The following COL9A1 variants were observed in gnomAD, a reference collection of about 807,000 sequenced individuals.
COL9A1 encodes collagen type IX alpha 1 chain.
In COL9A1, 104 loss-of-function variants were observed where a neutral mutation model predicts 142.6. The ratio of observed to expected loss-of-function variants is 0.73; its 90% CI spans 0.62 to 0.86. The LOEUF is 0.86. COL9A1 is among the 40% of genes least tolerant of loss of function. COL9A1 has a pLI of 0.00. For missense variants in COL9A1, 1,210 were observed against 1,176.6 expected (o/e 1.03, Z -0.42); for synonymous variants, 466 against 396.0 (o/e 1.18, Z -2.10).
At chr6:70,227,616 G>A (rs1236965482) in intron 36 of COL9A1, among the ~76,000 whole-genome samples, 1 of 151,980 alleles carries the variant, frequency 6.6e-6, no homozygotes, top group East Asian at 1.9e-4. Flanking sequence ...TTACCCAGCA[G>A]TTCTACTTCT....
In COL9A1 at chr6:70,280,809, C is replaced by A; in HGVS notation, c.975+3G>T. On this transcript the variant is annotated splice_donor_region_variant and intron_variant, in intron 10 of 37. Coordinates refer to ENST00000357250, the MANE Select transcript of COL9A1 (RefSeq NM_001851.6). ...GGCGCCCTCCCAGCACTCGCCTACT[C>A]ACATCAGCGCCAGGTGTGCCAGGCT... 6.2e-7 allele frequency: 1 copy of A among 1,612,084 alleles called. No homozygotes were observed. The highest frequency in any genetic ancestry group is 1.1e-5 in the South Asian group (1 of 90,674).
At chr6:70,294,647 T>G (rs1397133297) in intron 4 of COL9A1, 84 bp from the exon 5 acceptor site, 3 of 1,297,576 alleles carry the variant, frequency 2.3e-6, no homozygotes, top group East Asian at 2.3e-5. Context: ...GAGGCCATTT[T>G]AGATGCCAGA....
intron 18 of COL9A1, among the ~76,000 whole-genome samples, chr6:70,264,488 G>A (rs182967927): frequency 1.3e-5 from 2 of 152,134 alleles, no homozygotes; most frequent in East Asian, 1.9e-4. Flanking sequence ...GAAAGCCAGA[G>A]AATTAGCTAG....
At chr6:70,282,796 T>C (rs569187997) in intron 7 of COL9A1, 102 bp downstream of exon 7, 161 of 1,566,492 alleles carry the variant, frequency 1.0e-4, no homozygotes, top group Middle Eastern at 8.5e-4. Flanking sequence ...CTGAGAGCCC[T>C]GGGGATGCTC....
chr6:70,280,775 C>A, intron 10 of COL9A1, 37 bp downstream of exon 10: 1 of 1,598,388 alleles, frequency 6.3e-7, no homozygotes, highest in African/African-American at 1.3e-5. Context: ...CACCACACAC[C>A]CCAGGCTGGG....
chr6:70,274,314 T>G (rs1025861784), intron 11 of COL9A1, among the ~76,000 whole-genome samples: 1 of 152,126 alleles, frequency 6.6e-6, no homozygotes, highest in Non-Finnish European at 1.5e-5. Flanking sequence ...CACCCAGCTA[T>G]TAAGCCTGGC....
intron 28 of COL9A1, among the ~76,000 whole-genome samples, chr6:70,248,885 C>G (rs1042648376): frequency 1.4e-4 from 22 of 152,154 alleles, no homozygotes; most frequent in African/African-American, 5.3e-4. Context: ...AAGGAAAGAT[C>G]ACTTCTATCT....
chr6:70,302,357 G>A (rs1354991545), intron 1 of COL9A1, among the ~76,000 whole-genome samples: 2 of 151,794 alleles, frequency 1.3e-5, no homozygotes, highest in African/African-American at 2.4e-5. Context: ...TTACAGGCAC[G>A]TGCCACCACA....
At chr6:70,300,414 C>CCTCTT in intron 2 of COL9A1, 28 bp from the exon 3 acceptor site, 1 of 1,230,082 alleles carries the variant, frequency 8.1e-7, no homozygotes, top group Non-Finnish European at 1.2e-6. Flanking sequence ...TGTCATTCTA[C>CCTCTT]TTCATCCACT....
At chr6:70,261,788 G>T (rs1771707500) in intron 19 of COL9A1, among the ~76,000 whole-genome samples, 1 of 152,150 alleles carries the variant, frequency 6.6e-6, no homozygotes. Context: ...AGAAATATTT[G>T]GGTCAATAGC....
chr6:70,253,016 GA>G (rs3840410), intron 26 of COL9A1, among the ~76,000 whole-genome samples: 27,895 of 149,572 alleles, frequency 0.19, 2,604 homozygotes, highest in South Asian at 0.21. Context: ...ATCAGTATGT[GA>G]AAAAAAAAAT....
chr6:70,219,823 A>T (rs550412692), intron 37 of COL9A1, among the ~76,000 whole-genome samples: 1 of 152,302 alleles, frequency 6.6e-6, no homozygotes, highest in South Asian at 2.1e-4. Flanking sequence ...ACTAATTCAA[A>T]TTTTTTTCAA....
rs1056513145 is a variant in COL9A1 at position 70,266,655 on chromosome 6, A to G, written c.1341+62T>C. 9.5e-6 allele frequency: 12 copies of G among 1,264,010 alleles called. No homozygotes were observed. The African/African-American group carries it at 1.3e-4, about 14-fold the overall frequency. The allele number at this position is 1,264,010 out of a possible 1,614,324, so 78.3% of individuals were successfully genotyped here. A position where few individuals can be genotyped will look rare whatever the true frequency, so the allele number is the denominator to read the frequency against. ...TATTTCCTATAATTCCTAATTTCTT[A>G]TAATGAAAGTGACCAATAACTCCTA... On this transcript the variant is annotated intron_variant, in intron 18 of 37. Coordinates refer to ENST00000357250, the MANE Select transcript of COL9A1 (RefSeq NM_001851.6).
At chr6:70,227,399 C>A (rs528548269) in intron 36 of COL9A1, among the ~76,000 whole-genome samples, 122 of 99,048 alleles carry the variant, frequency 1.2e-3, no homozygotes, top group Non-Finnish European at 1.6e-3. Flanking sequence ...TGACTTCACT[C>A]TCATAACAAA....
chr6:70,300,189 A>C lies in COL9A1; in HGVS notation c.167-14T>G, dbSNP rs1436073724. On this transcript the variant is annotated splice_polypyrimidine_tract_variant and intron_variant, in intron 3 of 37. Transcript: ENST00000357250. ...TCAGATCAAACCCTATAGAATGGGA[A>C]TACAAAATGAAAAGTCTAAAATGAG... The C allele has an allele frequency of 6.2e-7, 1 of 1,613,636 alleles. No individual in the cohort carries two copies. Among genetic ancestry groups the C allele is most frequent in the Admixed American group, 1.7e-5 (1 of 59,984 alleles).
chr6:70,285,992 G>A (rs11757411), intron 5 of COL9A1, among the ~76,000 whole-genome samples: 22,159 of 152,080 alleles, frequency 0.15, 2,213 homozygotes, highest in East Asian at 0.46. Context: ...GGGTTCAGGC[G>A]ATTCTCCTGC....
At chr6:70,258,470 G>A (rs187698236) in intron 20 of COL9A1, 1 of 152,302 alleles carries the variant, frequency 6.6e-6, no homozygotes, top group Admixed American at 6.5e-5. Flanking sequence ...GAACTCAACT[G>A]AAGCAGAGGT....
At position 70,270,360 on chromosome 6, in the gene COL9A1, G is replaced by A. The variant is rs761589177; in HGVS notation, c.1151C>T (p.Pro384Leu). 2 of 1,613,598 alleles carry A rather than the reference G, an allele frequency of 1.2e-6. No homozygotes were observed. The highest frequency in any genetic ancestry group is 1.1e-5 in the South Asian group (1 of 91,038). The change falls in exon 15 of 38, where the codon CCT becomes CTT. Residue 384 changes from proline (P) to leucine (L), a missense_variant. By Grantham distance (98) the Pro-to-Leu change is moderately conservative (BLOSUM62 -3). Transcript: ENST00000357250. ...GGGGCCAGGTGGTCCTCTTCTCCCA[G>A]GGTCACCCTAAGTTATTTGAAAATT... The part of the protein sequence containing the change: ...ELGRVGPVGD[P>L]GRRGPPGPPG...
At chr6:70,265,160 T>G (rs1771931577) in intron 18 of COL9A1, among the ~76,000 whole-genome samples, 1 of 152,120 alleles carries the variant, frequency 6.6e-6, no homozygotes, top group Non-Finnish European at 1.5e-5. Context: ...CCACTGAACA[T>G]CAAACCAAAT....
Sources: gnomAD v4.1 joint callset for allele counts (sites outside exome capture counted in the v4.1 genomes callset) on GRCh38, gnomAD v4.1.1 for gene constraint, MANE v1.5 for transcripts, NCBI Gene and HGNC (gene_info 2026-07-23, HGNC 2026-07-21) for gene names.